Variants in MDM4 observed in about 807,000 individuals in gnomAD.
MDM4 encodes protein Mdm4.
Under a neutral mutation model 60.2 loss-of-function variants are expected in MDM4, and 2 were observed. The observed-to-expected ratio is 0.03, with a 90% CI of 0.01 to 0.10. MDM4 has a LOEUF of 0.10. Ranked by LOEUF, MDM4 falls within the 10% of genes least tolerant of loss-of-function variation. MDM4 has a pLI of 1.00. For synonymous variants in MDM4, 202 were observed against 198.1 expected (o/e 1.02, Z -0.17); for missense variants, 447 against 577.5 (o/e 0.77, Z 2.32).
At chr1:204,539,521 T>G (rs1274744722) in intron 7 of MDM4, among the ~76,000 whole-genome samples, 21 of 148,426 alleles carry the variant, frequency 1.4e-4, no homozygotes, top group Admixed American at 1.2e-3. Context: ...AACTTGTTTT[T>G]TTTTTTTGTT....
chr1:204,522,909 T>C (rs1302331389), intron 1 of MDM4, among the ~76,000 whole-genome samples: 6 of 149,616 alleles, frequency 4.0e-5, no homozygotes, highest in Non-Finnish European at 7.4e-5. Flanking sequence ...GTAACCCAGG[T>C]TGGAGTGCAA....
chr1:204,529,603 TGG>T, intron 3 of MDM4: 2 of 1,262,596 alleles, frequency 1.6e-6, no homozygotes, highest in South Asian at 1.5e-5. Context: ...CCTCCACTAC[TGG>T]GGGGGGTCCA....
chr1:204,524,806 C>T (rs761134314), intron 1 of MDM4, among the ~76,000 whole-genome samples: 2 of 152,168 alleles, frequency 1.3e-5, no homozygotes, highest in African/African-American at 4.8e-5. Context: ...AATCTATCTT[C>T]CTTCTCTGTA....
At chr1:204,518,584 A>G (rs1659228709) in intron 1 of MDM4, among the ~76,000 whole-genome samples, 1 of 152,190 alleles carries the variant, frequency 6.6e-6, no homozygotes, top group African/African-American at 2.4e-5. Context: ...ATCAAGTAGT[A>G]TATGGTGTGT....
At chr1:204,526,235 G>A (rs545790618) in intron 2 of MDM4, 125 bp from the exon 3 acceptor site, 13 of 730,852 alleles carry the variant, frequency 1.8e-5, no homozygotes, top group African/African-American at 1.6e-4. Context: ...CAGCCAAGGC[G>A]ACAGAGCAAG....
intron 6 of MDM4, chr1:204,537,812 C>T (rs1029589533): frequency 3.2e-6 from 2 of 627,464 alleles, no homozygotes; most frequent in Non-Finnish European, 6.0e-6. Flanking sequence ...AGGCGTGTTG[C>T]AGTTAAGTTC....
At chr1:204,530,578 A>T in intron 3 of MDM4, 106 bp from the exon 4 acceptor site, 1 of 1,434,438 alleles carries the variant, frequency 7.0e-7, no homozygotes, top group Non-Finnish European at 9.6e-7. Flanking sequence ...TCTTGTAAAT[A>T]TGTTATTTCT....
chr1:204,552,816 C>T lies in MDM4; in HGVS notation c.*3134C>T. On this transcript the variant is annotated 3_prime_UTR_variant, in exon 11 of 11. Transcript: ENST00000367182. ...TACTTAGACGATCCTAAGATATGTG[C>T]TTGAGCCGAATTTCATCTTTACTTG... The T allele has an allele frequency of 5.5e-6, 1 of 180,762 alleles. No individual in the cohort carries two copies. Among genetic ancestry groups the T allele is most frequent in the Admixed American group, 6.3e-5 (1 of 15,938 alleles). The allele number at this position is 180,762 out of a possible 1,614,324, so 11.2% of individuals were successfully genotyped here. A position where few individuals can be genotyped will look rare whatever the true frequency, so the allele number is the denominator to read the frequency against.
At chr1:204,522,024 A>G (rs946129026) in intron 1 of MDM4, among the ~76,000 whole-genome samples, 1 of 152,092 alleles carries the variant, frequency 6.6e-6, no homozygotes, top group Non-Finnish European at 1.5e-5. Context: ...AAAAAGAAGG[A>G]TAAGAATTAG....
At chr1:204,547,080 C>A (rs1203039904) in intron 10 of MDM4, among the ~76,000 whole-genome samples, 4 of 152,024 alleles carry the variant, frequency 2.6e-5, no homozygotes, top group African/African-American at 7.2e-5. Context: ...TTGATCTTAT[C>A]CTCTCCCTAC....
intron 3 of MDM4, among the ~76,000 whole-genome samples, chr1:204,526,776 T>C (rs1425404858): frequency 6.6e-6 from 1 of 152,128 alleles, no homozygotes; most frequent in Non-Finnish European, 1.5e-5. Context: ...TTCTCAGTTT[T>C]AAGAACAGTT....
chr1:204,528,762 AAG>A, intron 3 of MDM4: 1 of 800,654 alleles, frequency 1.2e-6, no homozygotes, highest in Admixed American at 2.1e-5. Flanking sequence ...ACAGGAAAAG[AAG>A]AGAGAGGTCC....
intron 1 of MDM4, 86 bp from the exon 2 acceptor site, chr1:204,525,398 T>C: frequency 1.4e-6 from 2 of 1,456,030 alleles, no homozygotes; most frequent in South Asian, 2.9e-5. Flanking sequence ...ATGTGTCTTT[T>C]ACTTCTGCTG....
At chr1:204,529,642 T>G in intron 3 of MDM4, 1 of 917,782 alleles carries the variant, frequency 1.1e-6, no homozygotes, top group Non-Finnish European at 1.6e-6. Context: ...GAGGGGTTCC[T>G]GGCGCTTGCC....
rs10900596 is a variant in MDM4 at position 204,553,329 on chromosome 1, T to C, written c.*3647T>C. On this transcript the variant is annotated 3_prime_UTR_variant, in exon 11 of 11. Coordinates refer to ENST00000367182, the MANE Select transcript of MDM4 (RefSeq NM_002393.5). ...AAGGAAACTTCCAAATACTGACATT[T>C]ACCTTTTAGCTGTAGTTATTGGGAC... 0.6 allele frequency: 132,203 copies of C among 219,362 alleles called. 42,808 individuals are homozygous for C. Among genetic ancestry groups the C allele is most frequent in the East Asian group, 0.71 (10,561 of 14,922 alleles). The allele number at this position is 219,362 out of a possible 1,614,324, so 13.6% of individuals were successfully genotyped here.
At position 204,555,384 on chromosome 1, in the gene MDM4, A is replaced by C. The variant is rs1479518812; in HGVS notation, c.*5702A>C. On this transcript the variant is annotated 3_prime_UTR_variant, in exon 11 of 11. Coordinates refer to ENST00000367182, the MANE Select transcript of MDM4 (RefSeq NM_002393.5). ...TAGCCAGGATGGTCTTGATCTCCTG[A>C]CCTCGTGATCTGCCCACCTCAGCCT... The C allele has an allele frequency of 6.4e-6, 1 of 156,058 alleles. No homozygotes were observed. Among genetic ancestry groups the C allele is most frequent in the Non-Finnish European group, 1.4e-5 (1 of 70,732 alleles). The allele number at this position is 156,058 out of a possible 1,614,324, so 9.7% of individuals were successfully genotyped here.
At chr1:204,548,808 A>G (rs188268224) in intron 10 of MDM4, among the ~76,000 whole-genome samples, 1 of 152,362 alleles carries the variant, frequency 6.6e-6, no homozygotes, top group East Asian at 1.9e-4. Flanking sequence ...ACTCCAAAGA[A>G]GCCCATAAGG....
intron 1 of MDM4, among the ~76,000 whole-genome samples, chr1:204,522,434 T>C (rs1659657186): frequency 6.6e-6 from 1 of 150,652 alleles, no homozygotes; most frequent in African/African-American, 2.4e-5. Context: ...AATCTTGCTC[T>C]GTCACCAGGC....
intron 1 of MDM4, among the ~76,000 whole-genome samples, chr1:204,517,255 G>GA (rs1000095008): frequency 1.8e-4 from 27 of 150,150 alleles, no homozygotes; most frequent in African/African-American, 6.6e-4. Context: ...AAAAAAAAAA[G>GA]AAAAAATGTT....
Sources: gnomAD v4.1 joint callset for allele counts (sites outside exome capture counted in the v4.1 genomes callset) on GRCh38, gnomAD v4.1.1 for gene constraint, MANE v1.5 for transcripts, NCBI Gene and HGNC (gene_info 2026-07-23, HGNC 2026-07-21) for gene names.